The following ZNF536 variants were observed in gnomAD, a reference collection of about 807,000 sequenced individuals.
ZNF536 encodes the protein zinc finger protein 536.
Under a neutral mutation model 84.5 loss-of-function variants are expected in ZNF536, and 13 were observed. The ratio of observed to expected loss-of-function variants is 0.15; its 90% CI spans 0.10 to 0.24. The LOEUF is 0.24. Among genes scored for constraint, ZNF536 ranks in the 10% least tolerant of loss-of-function variants. The probability of loss-of-function intolerance (pLI) is 1.00; values close to 1 mark genes in which losing one functional copy is unlikely to be tolerated. For missense variants in ZNF536, 1,536 were observed against 1,747.5 expected, an observed-to-expected ratio of 0.88 and a Z score of 2.16; for synonymous variants, 811 against 742.5, an observed-to-expected ratio of 1.09 and a Z score of -1.50.
intron 1 of ZNF536, among the ~76,000 whole-genome samples, chr19:30,696,777 C>A (rs540195828): frequency 6.6e-6 from 1 of 151,626 alleles, no homozygotes; most frequent in South Asian, 2.1e-4. Context: ...GCATGGGAGA[C>A]TCTGCACCAC....
At chr19:30,479,268 C>T (rs561526982) in intron 2 of ZNF536, among the ~76,000 whole-genome samples, 35 of 152,204 alleles carry the variant, frequency 2.3e-4, no homozygotes, top group Admixed American at 1.8e-3. Flanking sequence ...CTGGGTCACC[C>T]AGGACATTGA....
chr19:30,451,122 G>A (rs1253244558), intron 2 of ZNF536, among the ~76,000 whole-genome samples: 1 of 152,260 alleles, frequency 6.6e-6, no homozygotes, highest in Non-Finnish European at 1.5e-5. Context: ...CGCCCGCCTA[G>A]GCGAATAAGC....
Position 30,548,655 on chromosome 19 carries a change from C to T in ZNF536, c.3036C>T (p.Ser1012=), listed in dbSNP as rs1459965815. ...TGTTTTGTGCTTTCACAACGTCCTC[C>T]ATGGAGCTCATGGCCCTTCATCTCC... ...GCLFCAFTTS[S]MELMALHLQA... Residue 1012 remains serine, a synonymous_variant, in exon 4 of 5, where the codon TCC becomes TCT. Coordinates refer to ENST00000355537, the MANE Select transcript of ZNF536 (RefSeq NM_014717.3). 3 of 1,614,108 alleles carry T rather than the reference C, an allele frequency of 1.9e-6. No individual in the cohort carries two copies. Among genetic ancestry groups the T allele is most frequent in the Non-Finnish European group, 1.7e-6 (2 of 1,180,042 alleles).
chr19:30,426,397 A>G (rs1003451934), intron 1 of ZNF536, among the ~76,000 whole-genome samples: 6 of 152,174 alleles, frequency 3.9e-5, no homozygotes, highest in African/African-American at 1.4e-4. Context: ...GTGCATGGAA[A>G]CGCTCTCTCC....
intron 1 of ZNF536, among the ~76,000 whole-genome samples, chr19:30,255,868 CAGGAA>C (rs1313254587): frequency 2.0e-5 from 3 of 152,160 alleles, no homozygotes; most frequent in African/African-American, 4.8e-5. Flanking sequence ...GCTAGTGACT[CAGGAA>C]AGAGAGGAAG....
At chr19:30,510,403 A>T (rs1289885047) in intron 2 of ZNF536, among the ~76,000 whole-genome samples, 1 of 152,232 alleles carries the variant, frequency 6.6e-6, no homozygotes, top group African/African-American at 2.4e-5. Flanking sequence ...GCGTTCCAGC[A>T]ACCACCTAGC....
In ZNF536 at chr19:30,548,126, A is replaced by G. The variant is rs754386347; in HGVS notation, c.2507A>G (p.Asp836Gly). The G allele has an allele frequency of 6.2e-7, 1 of 1,613,992 alleles. No homozygotes were observed. Among genetic ancestry groups the G allele is most frequent in the African/African-American group, 1.3e-5 (1 of 74,944 alleles). Residue 836 changes from aspartate to glycine, a missense_variant, in exon 4 of 5, where the codon GAC becomes GGC. Coordinates refer to ENST00000355537, the MANE Select transcript of ZNF536 (RefSeq NM_014717.3). ...SSKASLFIRP[D>G]ILRGAFKGLP... ...AAAGCTTCTCTGTTCATCAGGCCAG[A>G]CATCCTGAGGGGGGCCTTCAAGGGT... is the stretch of plus-strand genomic sequence containing the variant.
At chr19:30,685,335 G>T (rs961002189) in intron 1 of ZNF536, among the ~76,000 whole-genome samples, 2 of 152,214 alleles carry the variant, frequency 1.3e-5, no homozygotes, top group East Asian at 1.9e-4. Context: ...CTGATGGAGA[G>T]ACTCTTTCTG....
At chr19:30,676,253 G>A (rs1336814558) in intron 1 of ZNF536, among the ~76,000 whole-genome samples, 1 of 152,196 alleles carries the variant, frequency 6.6e-6, no homozygotes, top group African/African-American at 2.4e-5. Context: ...CATGGGAAAT[G>A]ATTTCCTTGC....
chr19:30,369,675 C>T (rs1157756421), upstream of ZNF536, among the ~76,000 whole-genome samples: 1 of 152,188 alleles, frequency 6.6e-6, no homozygotes, highest in Non-Finnish European at 1.5e-5. Flanking sequence ...AGGTTCTCCT[C>T]TGAAAATACA....
At chr19:30,314,933 C>G (rs1211215211) in intron 2 of ZNF536, among the ~76,000 whole-genome samples, 1 of 152,188 alleles carries the variant, frequency 6.6e-6, no homozygotes, top group Non-Finnish European at 1.5e-5. Context: ...CCTGCTGGCT[C>G]TCTACCTGCA....
chr19:30,522,815 T>A (rs1303265342), intron 2 of ZNF536, among the ~76,000 whole-genome samples: 1 of 152,232 alleles, frequency 6.6e-6, no homozygotes, highest in Non-Finnish European at 1.5e-5. Context: ...TTGTTGATTA[T>A]TTATTTTAAT....
chr19:30,323,131 G>A (rs1272056671), intron 2 of ZNF536, among the ~76,000 whole-genome samples: 2 of 151,744 alleles, frequency 1.3e-5, no homozygotes, highest in African/African-American at 2.4e-5. Flanking sequence ...GGGCCAGGGA[G>A]CTTCTAAAGG....
At chr19:30,678,286 GT>G (rs2050831343) in intron 1 of ZNF536, among the ~76,000 whole-genome samples, 1 of 152,186 alleles carries the variant, frequency 6.6e-6, no homozygotes, top group Non-Finnish European at 1.5e-5. Context: ...TAGGGGCACT[GT>G]GTGCAGGGGG....
At chr19:30,368,223 G>A (rs1352988747), upstream of ZNF536, among the ~76,000 whole-genome samples, 2 of 152,236 alleles carry the variant, frequency 1.3e-5, no homozygotes, top group African/African-American at 2.4e-5. Flanking sequence ...GAAACGTGGT[G>A]GGGTGGGGCC....
chr19:30,301,768 T>G (rs1277691802), intron 2 of ZNF536, among the ~76,000 whole-genome samples: 1 of 151,994 alleles, frequency 6.6e-6, no homozygotes, highest in Admixed American at 6.6e-5. Context: ...CAACTATTAA[T>G]ATTAAAGAGC....
intron 1 of ZNF536, among the ~76,000 whole-genome samples, chr19:30,392,203 G>A (rs987638668): frequency 6.6e-6 from 1 of 152,084 alleles, no homozygotes; most frequent in African/African-American, 2.4e-5. Flanking sequence ...TCCTTCCTAG[G>A]GGAGGCCCAG....
chr19:30,374,464 A>G (rs2048729014), intron 1 of ZNF536, among the ~76,000 whole-genome samples: 1 of 151,998 alleles, frequency 6.6e-6, no homozygotes, highest in Non-Finnish European at 1.5e-5. Flanking sequence ...CAGTAGTGCT[A>G]AGAGAACAGA....
chr19:30,602,135 T>C (rs1568592860), intron 1 of ZNF536, among the ~76,000 whole-genome samples: 2 of 152,204 alleles, frequency 1.3e-5, no homozygotes. Context: ...CAATGAAGTA[T>C]TGGGTTCTCA....
Sources: gnomAD v4.1 joint callset for allele counts (sites outside exome capture counted in the v4.1 genomes callset) on GRCh38, gnomAD v4.1.1 for gene constraint, MANE v1.5 for transcripts, NCBI Gene and HGNC (gene_info 2026-07-23, HGNC 2026-07-21) for gene names.